Variants in NBEA observed in about 807,000 individuals in gnomAD.
The protein encoded by NBEA is lysosomal-trafficking regulator 2.
A neutral mutation model predicts 343.4 loss-of-function variants in NBEA; 44 were observed. The ratio of observed to expected loss-of-function variants is 0.13; its 90% CI spans 0.10 to 0.16. The LOEUF is 0.16. Among genes scored for constraint, NBEA ranks in the 10% least tolerant of loss-of-function variants. NBEA has a pLI of 1.00. For missense variants in NBEA, 2,555 were observed against 3,631.3 expected (o/e 0.70, Z 7.62); for synonymous variants, 1,175 against 1,238.7 (o/e 0.95, Z 1.08).
chr13:35,157,134 A>G lies in NBEA; in HGVS notation c.2708A>G (p.Asn903Ser). Residue 903 changes from asparagine (N) to serine (S), a missense_variant, in exon 21 of 59, where the codon AAT becomes AGT. Asn to Ser is a conservative substitution (Grantham distance 46). Coordinates refer to ENST00000379939, the MANE Select transcript of NBEA (RefSeq NM_001385012.1). ...TGGATGTTTTCTCTTGGCTATATCA[A>G]TCCTAAAAATTCTGAGGAACAGAAG... ...QDWMFSLGYI[N>S]PKNSEEQKIT... The G allele has an allele frequency of 1.2e-6, 2 of 1,607,956 alleles. No homozygotes were observed. Among genetic ancestry groups the G allele is most frequent in the South Asian group, 2.2e-5 (2 of 89,364 alleles).
intron 40 of NBEA, among the ~76,000 whole-genome samples, chr13:35,470,733 G>C (rs1489226989): frequency 2.6e-5 from 4 of 152,214 alleles, no homozygotes; most frequent in African/African-American, 7.2e-5. Context: ...CGAGCGTTGG[G>C]GGATTCGGAG....
intron 35 of NBEA, among the ~76,000 whole-genome samples, chr13:35,300,926 G>GTATATTTTGTTTGCATAA (rs1469250365): frequency 6.6e-6 from 1 of 151,974 alleles, no homozygotes; most frequent in East Asian, 1.9e-4. Flanking sequence ...AGGATGTAAA[G>GTATATTTTGTTTGCATAA]GGATTGGACT....
At chr13:35,359,922 G>A (rs1348632587) in intron 38 of NBEA, among the ~76,000 whole-genome samples, 1 of 151,708 alleles carries the variant, frequency 6.6e-6, no homozygotes, top group Non-Finnish European at 1.5e-5. Context: ...TTTCTGGTAA[G>A]ATGTTGGGAG....
Position 35,157,182 on chromosome 13 carries a change from T to A in NBEA, c.2756T>A (p.Ile919Asn), listed in dbSNP as rs2069230319. ...AAGATTACCGAAATGGTCTACAATA[T>A]CTTCCGGATTCTTTTGTATCATGCA... ...EQKITEMVYN[I>N]FRILLYHAIK... Residue 919 changes from isoleucine (I) to asparagine (N), a missense_variant, in exon 21 of 59, where the codon ATC (isoleucine) becomes AAC (asparagine). This residue lies in a region of NBEA where 360 missense variants were observed against 519.1 expected (regional missense o/e 0.69). Coordinates refer to ENST00000379939, the MANE Select transcript of NBEA (RefSeq NM_001385012.1). 6.2e-7 allele frequency: 1 copy of A among 1,610,720 alleles called. No homozygotes were observed.
intron 38 of NBEA, among the ~76,000 whole-genome samples, chr13:35,368,541 T>G (rs1315027571): frequency 6.6e-6 from 1 of 151,678 alleles, no homozygotes; most frequent in Non-Finnish European, 1.5e-5. Flanking sequence ...ATCTCATCCA[T>G]CTTCACACAA....
chr13:35,661,018 C>A (rs2085066568), intron 55 of NBEA, among the ~76,000 whole-genome samples: 1 of 152,258 alleles, frequency 6.6e-6, no homozygotes, highest in African/African-American at 2.4e-5. Context: ...CCACCCCATC[C>A]CCTCATTCTA....
At chr13:35,146,094 C>T (rs1384444078) in intron 18 of NBEA, among the ~76,000 whole-genome samples, 1 of 152,060 alleles carries the variant, frequency 6.6e-6, no homozygotes, top group Non-Finnish European at 1.5e-5. Flanking sequence ...CCAGATCTTA[C>T]TTTGGAAGGA....
intron 34 of NBEA, among the ~76,000 whole-genome samples, chr13:35,280,468 T>C (rs1365288224): frequency 6.6e-6 from 1 of 152,132 alleles, no homozygotes; most frequent in Non-Finnish European, 1.5e-5. Flanking sequence ...GTTAAATATT[T>C]CCTACTGGTA....
chr13:35,283,215 A>G (rs1459322610), intron 34 of NBEA, among the ~76,000 whole-genome samples: 2 of 152,150 alleles, frequency 1.3e-5, no homozygotes, highest in African/African-American at 4.8e-5. Flanking sequence ...AAGCAAAACT[A>G]TAAAAAAGAA....
At chr13:35,289,730 C>A (rs2035677763) in intron 34 of NBEA, among the ~76,000 whole-genome samples, 1 of 151,820 alleles carries the variant, frequency 6.6e-6, no homozygotes. Context: ...TTGCCCAGCA[C>A]ATGCTAAGTG....
At chr13:35,375,281 T>C (rs900771721) in intron 38 of NBEA, among the ~76,000 whole-genome samples, 2 of 152,132 alleles carry the variant, frequency 1.3e-5, no homozygotes. Flanking sequence ...AAGTGAAGCC[T>C]AAAACATCTA....
At chr13:35,490,289 A>G (rs753116907) in intron 41 of NBEA, among the ~76,000 whole-genome samples, 8 of 151,890 alleles carry the variant, frequency 5.3e-5, no homozygotes, top group Non-Finnish European at 8.8e-5. Flanking sequence ...TTTATTAAGA[A>G]TTGTTAGTTT....
At chr13:35,082,553 A>G (rs945031069) in intron 10 of NBEA, among the ~76,000 whole-genome samples, 3 of 152,100 alleles carry the variant, frequency 2.0e-5, no homozygotes, top group African/African-American at 7.2e-5. Context: ...AAGTGTTCCT[A>G]TTTCTCCACA....
At chr13:35,474,314 A>G (rs983904584) in intron 41 of NBEA, 2 of 152,686 alleles carry the variant, frequency 1.3e-5, no homozygotes, top group Non-Finnish European at 1.5e-5. Flanking sequence ...TTTCAAATAT[A>G]TAATTCAGAT....
At chr13:35,533,829 G>T (rs570973113) in intron 41 of NBEA, among the ~76,000 whole-genome samples, 271 of 152,248 alleles carry the variant, frequency 1.8e-3, no homozygotes, top group African/African-American at 6.2e-3. Context: ...AGTACTTGCT[G>T]TGTGCCACAC....
chr13:35,345,573 T>C (rs2039824596), intron 36 of NBEA, among the ~76,000 whole-genome samples: 2 of 152,086 alleles, frequency 1.3e-5, no homozygotes, highest in Non-Finnish European at 2.9e-5. Flanking sequence ...TTCATTTTGT[T>C]ACTTTCCTTA....
intron 39 of NBEA, among the ~76,000 whole-genome samples, chr13:35,443,735 G>C (rs2045858080): frequency 6.6e-6 from 1 of 151,898 alleles, no homozygotes; most frequent in South Asian, 2.1e-4. Context: ...AGGTATAAAA[G>C]ATTGAGAAAA....
chr13:35,624,958 C>T (rs576767946), intron 48 of NBEA, among the ~76,000 whole-genome samples: 1 of 151,800 alleles, frequency 6.6e-6, no homozygotes, highest in Non-Finnish European at 1.5e-5. Flanking sequence ...AAAGATAATA[C>T]CATACATCTC....
chr13:35,419,174 T>A (rs1013716603), intron 38 of NBEA, among the ~76,000 whole-genome samples: 1 of 152,118 alleles, frequency 6.6e-6, no homozygotes, highest in African/African-American at 2.4e-5. Flanking sequence ...TTAGAGATGC[T>A]TAACCTGTTC....
Sources: allele counts gnomAD v4.1 joint callset (sites outside exome capture counted in the v4.1 genomes callset), GRCh38; gene constraint gnomAD v4.1.1; regional missense constraint gnomAD v4.1.1; transcripts MANE v1.5; gene names NCBI Gene and HGNC (gene_info 2026-07-23, HGNC 2026-07-21).